PSD3: variants seen among roughly 807,000 people sequenced by gnomAD.
The protein encoded by PSD3 is pleckstrin and Sec7 domain containing 3.
PSD3 carries 49 observed loss-of-function variants against 105.5 expected under a neutral mutation model. That is an observed-to-expected ratio of 0.46 (90% CI 0.37 to 0.59). The LOEUF is 0.59. Among genes scored for constraint, PSD3 ranks in the 20% least tolerant of loss-of-function variants. The pLI is 0.00. For synonymous variants in PSD3, 557 were observed against 457.8 expected, an observed-to-expected ratio of 1.22 and a Z score of -2.77; for missense variants, 1,561 against 1,263.8, an observed-to-expected ratio of 1.24 and a Z score of -3.57.
At chr8:18,979,228 T>C (rs1825124576) in intron 1 of PSD3, among the ~76,000 whole-genome samples, 2 of 152,026 alleles carry the variant, frequency 1.3e-5, no homozygotes, top group South Asian at 4.2e-4. Flanking sequence ...GCTTCCAAAA[T>C]GTCTGTTGCC....
At chr8:18,943,467 T>C (rs891365775) in intron 1 of PSD3, among the ~76,000 whole-genome samples, 2 of 151,830 alleles carry the variant, frequency 1.3e-5, no homozygotes, top group African/African-American at 4.8e-5. Context: ...TTGAAGCAAA[T>C]GATCTAGTGA....
intron 4 of PSD3, among the ~76,000 whole-genome samples, chr8:18,861,643 G>C (rs1816460145): frequency 6.6e-6 from 1 of 152,122 alleles, no homozygotes; most frequent in African/African-American, 2.4e-5. Flanking sequence ...TCAGCCCCAT[G>C]TGTCCTAGAG....
intron 12 of PSD3, among the ~76,000 whole-genome samples, chr8:18,589,836 C>A (rs894994636): frequency 6.6e-6 from 1 of 152,114 alleles, no homozygotes; most frequent in Non-Finnish European, 1.5e-5. Flanking sequence ...GGGTCCCCTG[C>A]CCAAAAGGTT....
intron 4 of PSD3, among the ~76,000 whole-genome samples, chr8:18,857,818 A>C (rs769480141): frequency 2.0e-5 from 3 of 152,156 alleles, no homozygotes; most frequent in Non-Finnish European, 2.9e-5. Context: ...ACATCAGAAA[A>C]TCTCAGGAGT....
At chr8:18,604,989 A>G (rs1347610012) in intron 11 of PSD3, among the ~76,000 whole-genome samples, 1 of 152,238 alleles carries the variant, frequency 6.6e-6, no homozygotes, top group Non-Finnish European at 1.5e-5. Flanking sequence ...GCAGTGGTGG[A>G]GCCCTCATGG....
intron 1 of PSD3, among the ~76,000 whole-genome samples, chr8:18,948,011 TAAC>T (rs1458862465): frequency 6.6e-6 from 1 of 152,142 alleles, no homozygotes; most frequent in African/African-American, 2.4e-5. Flanking sequence ...TGAAGAAAAT[TAAC>T]AACCGACTAT....
intron 11 of PSD3, 77 bp from the exon 12 acceptor site, chr8:18,600,511 G>T: frequency 8.3e-7 from 1 of 1,212,024 alleles, no homozygotes; most frequent in South Asian, 1.3e-5. Context: ...TCAACATGGT[G>T]ACAGTGTTTC....
intron 8 of PSD3, among the ~76,000 whole-genome samples, chr8:18,795,563 G>A (rs995582075): frequency 3.3e-5 from 5 of 152,280 alleles, no homozygotes; most frequent in African/African-American, 1.2e-4. Flanking sequence ...TATCTCTTGT[G>A]ACTTTCTAGT....
In PSD3 at chr8:18,531,502, G is replaced by C. The variant is rs535910896; in HGVS notation, c.*4241C>G. On this transcript the variant is annotated 3_prime_UTR_variant, in exon 16 of 16. Coordinates refer to ENST00000327040, the MANE Select transcript of PSD3 (RefSeq NM_015310.4). The stretch of plus-strand genomic sequence containing the variant: ...TATTGCTATCAATAATCTATCACGG[G>C]GTTATTCTGTGATGATTTGATCATG... The C allele has an allele frequency of 1.3e-5, 2 of 152,270 alleles. No homozygotes were observed. The highest frequency in any genetic ancestry group is 6.5e-5 in the Admixed American group (1 of 15,302). 9.4% of individuals were successfully genotyped at this position (152,270 alleles called of 1,614,324 possible).
intron 11 of PSD3, among the ~76,000 whole-genome samples, chr8:18,625,764 T>G (rs1360243493): frequency 6.6e-6 from 1 of 152,214 alleles, no homozygotes; most frequent in Non-Finnish European, 1.5e-5. Flanking sequence ...TTAGGATCAG[T>G]GTCTTCATGT....
In PSD3 at chr8:19,013,651, G is replaced by T. The variant is rs2129475505; in HGVS notation, c.-68C>A. 3.3e-6 allele frequency: 4 copies of T among 1,229,344 alleles called. No homozygotes were observed. In the East Asian group the frequency reaches 1.1e-4, roughly 32 times the overall value. 76.2% of individuals were successfully genotyped at this position (1,229,344 alleles called of 1,614,324 possible). On this transcript the variant is annotated 5_prime_UTR_variant, in exon 1 of 16. Coordinates refer to ENST00000327040, the MANE Select transcript of PSD3 (RefSeq NM_015310.4). ...CGCTCCGGGGCCGCAGCCTCAGGGC[G>T]CGAGTGCCGGCGGCCAGCGCCGCGT...
intron 1 of PSD3, among the ~76,000 whole-genome samples, chr8:19,033,557 T>A (rs1404139952): frequency 1.4e-5 from 2 of 143,496 alleles, no homozygotes; most frequent in African/African-American, 4.9e-5. Context: ...TTTCTTTTTT[T>A]AAAATCTGTT....
At chr8:18,882,238 CT>C (rs1447348565) in intron 2 of PSD3, among the ~76,000 whole-genome samples, 1 of 149,506 alleles carries the variant, frequency 6.7e-6, no homozygotes, top group Non-Finnish European at 1.5e-5. Flanking sequence ...AACAAAAAAC[CT>C]TAAGACAGAA....
intron 4 of PSD3, among the ~76,000 whole-genome samples, chr8:18,841,483 C>CAT (rs1554518914): frequency 6.6e-6 from 1 of 151,912 alleles, no homozygotes; most frequent in Non-Finnish European, 1.5e-5. Flanking sequence ...CACACACACA[C>CAT]ACACACACAC....
At chr8:18,832,528 A>G (rs574212985) in intron 4 of PSD3, among the ~76,000 whole-genome samples, 1 of 152,286 alleles carries the variant, frequency 6.6e-6, no homozygotes, top group East Asian at 1.9e-4. Flanking sequence ...TTCACCAATA[A>G]CATGTCAAGC....
intron 8 of PSD3, among the ~76,000 whole-genome samples, chr8:18,781,015 C>G (rs1265760516): frequency 6.6e-6 from 1 of 151,948 alleles, no homozygotes; most frequent in Non-Finnish European, 1.5e-5. Context: ...TTTTTTATAT[C>G]TTCCCCAGGT....
intron 14 of PSD3, among the ~76,000 whole-genome samples, chr8:18,556,935 T>A (rs974142450): frequency 6.6e-6 from 1 of 152,230 alleles, no homozygotes; most frequent in Admixed American, 6.5e-5. Context: ...TCCTTCAACT[T>A]GATTGGCCCA....
At chr8:18,704,285 T>C (rs1717754471) in intron 9 of PSD3, among the ~76,000 whole-genome samples, 1 of 152,176 alleles carries the variant, frequency 6.6e-6, no homozygotes. Context: ...AGAGGACCAG[T>C]TCTAGCAAGA....
intron 9 of PSD3, among the ~76,000 whole-genome samples, chr8:18,717,909 G>T (rs1326198646): frequency 6.6e-6 from 1 of 152,158 alleles, no homozygotes; most frequent in Non-Finnish European, 1.5e-5. Flanking sequence ...CACAAAAAAT[G>T]CTCCATAGGA....
Sources: allele counts gnomAD v4.1 joint callset (sites outside exome capture counted in the v4.1 genomes callset), GRCh38; gene constraint gnomAD v4.1.1; transcripts MANE v1.5; gene names NCBI Gene and HGNC (gene_info 2026-07-23, HGNC 2026-07-21).